Variants in FAM110B observed in about 807,000 individuals in gnomAD.
The protein encoded by FAM110B is family with sequence similarity 110 member B.
FAM110B carries 6 observed loss-of-function variants against 20.4 expected under a neutral mutation model. That is an observed-to-expected ratio of 0.29 (90% CI 0.16 to 0.58). The LOEUF (loss-of-function observed/expected upper bound fraction) is 0.58. Among genes scored for constraint, FAM110B ranks in the 20% least tolerant of loss-of-function variants. The probability of loss-of-function intolerance (pLI) is 0.90; values close to 1 mark genes in which losing one functional copy is unlikely to be tolerated. For synonymous variants in FAM110B, 226 were observed against 214.1 expected (o/e 1.06, Z -0.49); for missense variants, 434 against 498.2 (o/e 0.87, Z 1.23).
chr8:58,095,830 A>G (rs1305936837), intron 3 of FAM110B, among the ~76,000 whole-genome samples: 1 of 152,120 alleles, frequency 6.6e-6, no homozygotes, highest in Non-Finnish European at 1.5e-5. Flanking sequence ...TCTCATATTG[A>G]CAGTGGGATG....
chr8:58,101,415 G>A (rs768407214), intron 3 of FAM110B, among the ~76,000 whole-genome samples: 25 of 152,144 alleles, frequency 1.6e-4, no homozygotes, highest in Non-Finnish European at 2.5e-4. Flanking sequence ...AATCATCCTA[G>A]CTTAACTTCA....
intron 2 of FAM110B, among the ~76,000 whole-genome samples, chr8:58,062,296 A>G (rs1429436276): frequency 6.6e-6 from 1 of 152,228 alleles, no homozygotes; most frequent in East Asian, 1.9e-4. Flanking sequence ...TAACATTTCT[A>G]AAAAGAAATT....
intron 3 of FAM110B, among the ~76,000 whole-genome samples, chr8:58,082,198 G>T (rs2150597803): frequency 6.6e-6 from 1 of 152,316 alleles, no homozygotes; most frequent in East Asian, 1.9e-4. Context: ...CACCCAGGAA[G>T]CCTTTGTGAA....
intron 3 of FAM110B, among the ~76,000 whole-genome samples, chr8:58,083,135 C>T (rs1284249202): frequency 1.3e-5 from 2 of 152,140 alleles, no homozygotes; most frequent in Non-Finnish European, 1.5e-5. Context: ...CTCTCACAAG[C>T]TCTGACAGCA....
intron 3 of FAM110B, among the ~76,000 whole-genome samples, chr8:58,095,704 G>A (rs147538462): frequency 2.6e-5 from 4 of 152,202 alleles, no homozygotes; most frequent in East Asian, 3.9e-4. Flanking sequence ...GCTGAGAAGG[G>A]TGTATATTCT....
intron 3 of FAM110B, among the ~76,000 whole-genome samples, chr8:58,120,335 C>T (rs1375571308): frequency 6.6e-6 from 1 of 152,070 alleles, no homozygotes; most frequent in African/African-American, 2.4e-5. Context: ...TCTTCCTGAT[C>T]TAGCCCCTCT....
chr8:58,055,141 G>T (rs77816288), intron 2 of FAM110B, among the ~76,000 whole-genome samples: 3 of 152,242 alleles, frequency 2.0e-5, no homozygotes, highest in Non-Finnish European at 2.9e-5. Context: ...CTGTAATGAG[G>T]ACATCAACCC....
chr8:58,027,423 G>GT lies in FAM110B; in HGVS notation c.-511-4171dup, dbSNP rs11323713. ...GAATATTAAAAGATGGGAACACTGA[G>GT]TTTTTTTTTTTTAAAGCACTTTTGT... On this transcript the variant is annotated intron_variant, in intron 1 of 3. Coordinates refer to ENST00000519262, the MANE Select transcript of FAM110B (RefSeq NM_001377989.1). 6.0e-3 allele frequency among the ~76,000 whole-genome samples: 877 copies of GT among 147,308 alleles called. 6 individuals carry two copies. The highest frequency in any genetic ancestry group is 0.018 in the Middle Eastern group (5 of 278).
intron 3 of FAM110B, among the ~76,000 whole-genome samples, chr8:58,088,648 A>G (rs1194489545): frequency 6.6e-6 from 1 of 152,212 alleles, no homozygotes; most frequent in Non-Finnish European, 1.5e-5. Context: ...TAGAAGTTAC[A>G]AGGAAATGGA....
chr8:58,133,043 T>A (rs898179300), intron 3 of FAM110B, among the ~76,000 whole-genome samples: 5 of 152,194 alleles, frequency 3.3e-5, no homozygotes, highest in African/African-American at 1.2e-4. Context: ...AAGTACATTT[T>A]ATTTTAATGT....
rs77757504 is a variant in FAM110B, at chr8:58,026,705, C to T, written c.-511-4901C>T. Reference sequence around the variant, plus strand: ...CCTTCCCTAACTATGGTGAAAACAGCGCTTTCATTAGGCTGGTTAGCTATC... The same window carrying T: ...CCTTCCCTAACTATGGTGAAAACAGTGCTTTCATTAGGCTGGTTAGCTATC... On this transcript the variant is annotated intron_variant, in intron 1 of 3. Transcript: ENST00000519262. Among the ~76,000 whole-genome samples, 481 of 152,192 alleles carry T rather than the reference C, an allele frequency of 3.2e-3. 8 individuals carry two copies. The East Asian group carries it at 0.056, about 18-fold the overall frequency.
chr8:58,066,082 A>G (rs544015962), intron 2 of FAM110B, among the ~76,000 whole-genome samples: 12 of 152,286 alleles, frequency 7.9e-5, no homozygotes, highest in Non-Finnish European at 1.8e-4. Flanking sequence ...TCTTTAATTC[A>G]TGCCCCTTCC....
At chr8:58,089,092 C>CACATCA (rs1806409285) in intron 3 of FAM110B, among the ~76,000 whole-genome samples, 1 of 152,190 alleles carries the variant, frequency 6.6e-6, no homozygotes, top group East Asian at 1.9e-4. Flanking sequence ...GGTTTTATTT[C>CACATCA]ACATCAACTC....
intron 2 of FAM110B, among the ~76,000 whole-genome samples, chr8:58,058,078 C>A (rs969494737): frequency 6.6e-6 from 1 of 152,198 alleles, no homozygotes; most frequent in Admixed American, 6.5e-5. Context: ...TTTTTACATT[C>A]TCTACAGACA....
chr8:58,145,044 T>C (rs1439031721), intron 3 of FAM110B, among the ~76,000 whole-genome samples: 6 of 152,236 alleles, frequency 3.9e-5, no homozygotes, highest in Non-Finnish European at 8.8e-5. Context: ...TTTAAGACTT[T>C]GTTCCTAGTA....
At chr8:58,137,985 A>G (rs1803658898) in intron 3 of FAM110B, among the ~76,000 whole-genome samples, 1 of 152,236 alleles carries the variant, frequency 6.6e-6, no homozygotes, top group Non-Finnish European at 1.5e-5. Context: ...GACCCTGTGA[A>G]GAAGAAGCAT....
intron 3 of FAM110B, among the ~76,000 whole-genome samples, chr8:58,122,070 A>G (rs1338999934): frequency 1.3e-5 from 2 of 152,158 alleles, no homozygotes; most frequent in East Asian, 3.9e-4. Context: ...ATCTACAAGT[A>G]TCTTTATTCT....
At position 58,065,106 on chromosome 8, in the gene FAM110B, G is replaced by A. The variant is rs138432485; in HGVS notation, c.-413-10429G>A. Among the ~76,000 whole-genome samples, 95 of 152,206 alleles carry A rather than the reference G, an allele frequency of 6.2e-4. 3 individuals are homozygous for A. The highest frequency in any genetic ancestry group is 2.2e-3 in the African/African-American group (92 of 41,532). On this transcript the variant is annotated intron_variant, in intron 2 of 3. Coordinates refer to ENST00000519262, the MANE Select transcript of FAM110B (RefSeq NM_001377989.1). ...TTGAAACATAATTATGAACATTCAC[G>A]GCATGCATACTTGAAATTCTTGCAT...
chr8:58,016,504 T>C (rs1804639451), intron 1 of FAM110B, among the ~76,000 whole-genome samples: 1 of 152,206 alleles, frequency 6.6e-6, no homozygotes. Flanking sequence ...TACCTGCTGG[T>C]GGGAGCGGGG....
Sources: allele counts gnomAD v4.1 joint callset (sites outside exome capture counted in the v4.1 genomes callset), GRCh38; gene constraint gnomAD v4.1.1; transcripts MANE v1.5; gene names NCBI Gene and HGNC (gene_info 2026-07-23, HGNC 2026-07-21).